The following PRELID2 variants were observed in gnomAD, a reference collection of about 807,000 sequenced individuals.
PRELID2 encodes PRELI domain-containing protein 2.
Under a neutral mutation model 28.4 loss-of-function variants are expected in PRELID2, and 25 were observed. The ratio of observed to expected loss-of-function variants is 0.88; its 90% CI spans 0.64 to 1.23. The LOEUF is 1.23. Among genes scored for constraint, PRELID2 ranks in the 50% most tolerant of loss-of-function variants. The probability of loss-of-function intolerance (pLI) is 0.00; values close to 1 mark genes in which losing one functional copy is unlikely to be tolerated. For missense variants in PRELID2, 201 were observed against 214.4 expected (o/e 0.94, Z 0.39); for synonymous variants, 76 against 71.6 (o/e 1.06, Z -0.31).
intron 1 of PRELID2, among the ~76,000 whole-genome samples, chr5:145,480,904 C>G (rs1016685309): frequency 2.0e-5 from 3 of 152,046 alleles, no homozygotes; most frequent in Non-Finnish European, 4.4e-5. Context: ...GCGAGGTTAC[C>G]GAATAGAAAT....
chr5:145,421,532 T>C, the PRELID2 span, among the ~76,000 whole-genome samples: 56 of 147,182 alleles, frequency 3.8e-4, 2 homozygotes, highest in South Asian at 0.011. Flanking sequence ...GAGGTGTTTG[T>C]AGTATTCCCT....
intron 1 of PRELID2, among the ~76,000 whole-genome samples, chr5:145,632,324 A>G (rs1753944480): frequency 6.6e-6 from 1 of 152,208 alleles, no homozygotes; most frequent in African/African-American, 2.4e-5. Context: ...AACATTGCTC[A>G]TACCCTTTCA....
At chr5:145,518,800 A>G (rs1387854888) in intron 1 of PRELID2, among the ~76,000 whole-genome samples, 3 of 152,206 alleles carry the variant, frequency 2.0e-5, no homozygotes, top group Non-Finnish European at 4.4e-5. Context: ...ATTGGCATCT[A>G]GCAGACAGAG....
At chr5:145,653,925 A>G (rs1253651868) in intron 1 of PRELID2, among the ~76,000 whole-genome samples, 3 of 152,238 alleles carry the variant, frequency 2.0e-5, no homozygotes, top group Non-Finnish European at 4.4e-5. Context: ...AGATAGAGAC[A>G]TAAAAAACCC....
the PRELID2 span, among the ~76,000 whole-genome samples, chr5:145,260,974 G>A: frequency 6.6e-6 from 1 of 152,182 alleles, no homozygotes; most frequent in African/African-American, 2.4e-5. Context: ...ATTGAGTGGG[G>A]GCATGGTGGG....
At chr5:145,741,625 ATTTATTTAT>A (rs1357538675) in intron 1 of PRELID2, among the ~76,000 whole-genome samples, 4 of 17,488 alleles carry the variant, frequency 2.3e-4, no homozygotes, top group Admixed American at 8.9e-4. Flanking sequence ...TATATAAATA[ATTTATTTAT>A]AATTTATTTA....
At chr5:145,671,573 G>C (rs1365272846) in intron 1 of PRELID2, among the ~76,000 whole-genome samples, 5 of 152,124 alleles carry the variant, frequency 3.3e-5, no homozygotes, top group Admixed American at 3.3e-4. Context: ...TAAAAGAAAA[G>C]GCAAGAAGAA....
At position 145,826,092 on chromosome 5, in the gene PRELID2, C is replaced by T. The variant is rs972581991; in HGVS notation, c.76-2958G>A. ...AGAATTGATCAAGCTGAATCAGGAT[C>T]ACACCCATCAAAGACTTAACTGAGC... On this transcript the variant is annotated intron_variant, in intron 1 of 6. Transcript: ENST00000683046. 13 of 985,400 alleles carry T rather than the reference C, an allele frequency of 1.3e-5. No individual in the cohort carries two copies. In the African/African-American group the frequency reaches 1.7e-4, roughly 13 times the overall value. The allele number at this position is 985,400 out of a possible 1,614,324, so 61.0% of individuals were successfully genotyped here. A position where few individuals can be genotyped will look rare whatever the true frequency, so the allele number is the denominator to read the frequency against.
At chr5:145,646,599 T>G (rs945808767) in intron 1 of PRELID2, among the ~76,000 whole-genome samples, 4 of 152,216 alleles carry the variant, frequency 2.6e-5, no homozygotes, top group Non-Finnish European at 5.9e-5. Context: ...TTTGATCCTT[T>G]GGAGGAAAAA....
At chr5:145,317,626 A>T in the PRELID2 span, among the ~76,000 whole-genome samples, 3 of 152,220 alleles carry the variant, frequency 2.0e-5, no homozygotes, top group South Asian at 6.2e-4. Context: ...AAAAAGGAGA[A>T]TCCAGAGTAT....
chr5:145,479,382 G>A (rs759762626), intron 1 of PRELID2, among the ~76,000 whole-genome samples: 6 of 152,128 alleles, frequency 3.9e-5, no homozygotes, highest in African/African-American at 7.2e-5. Flanking sequence ...CATTGCACAC[G>A]TTGTTTCCAT....
intron 1 of PRELID2, among the ~76,000 whole-genome samples, chr5:145,578,342 A>G (rs1444729195): frequency 6.6e-6 from 1 of 152,162 alleles, no homozygotes; most frequent in African/African-American, 2.4e-5. Context: ...AGCTTTTAAA[A>G]TAACTTAGTA....
intron 5 of PRELID2, among the ~76,000 whole-genome samples, chr5:145,793,338 T>C (rs1024740961): frequency 1.6e-4 from 24 of 152,178 alleles, no homozygotes; most frequent in African/African-American, 5.8e-4. Context: ...AGATATCAGA[T>C]CCCATCATTA....
intron 4 of PRELID2, among the ~76,000 whole-genome samples, chr5:145,814,363 C>T (rs1341477469): frequency 6.6e-6 from 1 of 152,156 alleles, no homozygotes; most frequent in Non-Finnish European, 1.5e-5. Flanking sequence ...AAGAAAGGAG[C>T]TCTATTCTCT....
At chr5:145,266,204 C>A in the PRELID2 span, among the ~76,000 whole-genome samples, 1 of 152,002 alleles carries the variant, frequency 6.6e-6, no homozygotes, top group East Asian at 1.9e-4. Flanking sequence ...GGGGAAGCTA[C>A]TGCTACTTAG....
intron 1 of PRELID2, among the ~76,000 whole-genome samples, chr5:145,644,353 G>A (rs1754159334): frequency 1.3e-5 from 2 of 152,004 alleles, no homozygotes; most frequent in African/African-American, 4.8e-5. Flanking sequence ...GGGATCAGTG[G>A]TGATACTCCC....
chr5:145,308,282 C>T, the PRELID2 span, among the ~76,000 whole-genome samples: 1 of 152,142 alleles, frequency 6.6e-6, no homozygotes, highest in Non-Finnish European at 1.5e-5. Flanking sequence ...TGCTAACAAA[C>T]GTATTTCTAG....
intron 1 of PRELID2, among the ~76,000 whole-genome samples, chr5:145,524,644 T>C (rs1752592451): frequency 6.6e-6 from 1 of 152,238 alleles, no homozygotes; most frequent in Non-Finnish European, 1.5e-5. Context: ...CTGATGTGTT[T>C]GATGTCCCAG....
At chr5:145,454,124 C>A in the PRELID2 span, among the ~76,000 whole-genome samples, 2 of 152,150 alleles carry the variant, frequency 1.3e-5, no homozygotes, top group African/African-American at 4.8e-5. Context: ...TCTCCAGCAT[C>A]TTCTGTTTCC....
Sources: gnomAD v4.1 joint callset for allele counts (sites outside exome capture counted in the v4.1 genomes callset) on GRCh38, gnomAD v4.1.1 for gene constraint, MANE v1.5 for transcripts, NCBI Gene and HGNC (gene_info 2026-07-23, HGNC 2026-07-21) for gene names.